The following METTL8 variants were observed in gnomAD, a reference collection of about 807,000 sequenced individuals.
METTL8 encodes the protein methyltransferase 8, tRNA N3-cytidine.
Under a neutral mutation model 48.7 loss-of-function variants are expected in METTL8, and 32 were observed. The observed-to-expected ratio is 0.66, with a 90% confidence interval of 0.50 to 0.88. METTL8 has a LOEUF of 0.88. METTL8 is among the 40% of genes least tolerant of loss of function. METTL8 has a pLI of 0.00. For missense variants in METTL8, 464 were observed against 474.4 expected, an observed-to-expected ratio of 0.98 and a Z score of 0.20; for synonymous variants, 136 against 157.1, an observed-to-expected ratio of 0.87 and a Z score of 1.01.
chr2:171,331,366 C>T (rs1348047346), intron 6 of METTL8, among the ~76,000 whole-genome samples: 2 of 151,126 alleles, frequency 1.3e-5, no homozygotes, highest in African/African-American at 4.9e-5. Flanking sequence ...GCCTCGGCCT[C>T]CCAAAGTGCT....
Position 171,326,335 on chromosome 2 carries a change from A to G in METTL8, c.861-187T>C, listed in dbSNP as rs568173035. On this transcript the variant is annotated intron_variant, in intron 7 of 9. Transcript: ENST00000375258. Reference sequence around the variant, plus strand: ...GAAAAAACCAAAACCAACTTGCTAAATGACTAGATTCAAAAGTCCTAGAGT... The same window carrying G: ...GAAAAAACCAAAACCAACTTGCTAAGTGACTAGATTCAAAAGTCCTAGAGT... 25 of 536,864 alleles carry G rather than the reference A, an allele frequency of 4.7e-5. No homozygotes were observed. In the South Asian group the frequency reaches 6.8e-4, roughly 15 times the overall value. The allele number at this position is 536,864 out of a possible 1,614,324, so 33.3% of individuals were successfully genotyped here.
chr2:171,384,298 A>T (rs1687841053), intron 2 of METTL8, among the ~76,000 whole-genome samples: 1 of 152,198 alleles, frequency 6.6e-6, no homozygotes, highest in South Asian at 2.1e-4. Flanking sequence ...ACTCGAGCCC[A>T]GGAGTTCAAG....
intron 2 of METTL8, among the ~76,000 whole-genome samples, chr2:171,386,598 T>C (rs546616468): frequency 6.6e-6 from 1 of 151,958 alleles, no homozygotes; most frequent in Non-Finnish European, 1.5e-5. Flanking sequence ...ACCTTGTCTC[T>C]ACAAAAAATA....
intron 3 of METTL8, among the ~76,000 whole-genome samples, chr2:171,341,834 T>TACACACACACACACACACACACACACAC (rs56145145): frequency 6.8e-6 from 1 of 147,192 alleles, no homozygotes; most frequent in African/African-American, 2.5e-5. Context: ...AATATTCATG[T>TACACACACACACACACACACACACACAC]ACACACACAC....
intron 1 of METTL8, among the ~76,000 whole-genome samples, chr2:171,431,959 C>T (rs1693076541): frequency 6.6e-6 from 1 of 152,246 alleles, no homozygotes; most frequent in African/African-American, 2.4e-5. Context: ...ATGCCTGGTC[C>T]AGCCGCAAGC....
At chr2:171,392,333 G>T in intron 1 of METTL8, 136 bp from the exon 2 acceptor site, 1 of 641,802 alleles carries the variant, frequency 1.6e-6, no homozygotes, top group Non-Finnish European at 2.5e-6. Flanking sequence ...TGAAAGATGA[G>T]CATAACAGCT....
At chr2:171,346,885 C>A (rs556592507) in intron 3 of METTL8, among the ~76,000 whole-genome samples, 19 of 152,308 alleles carry the variant, frequency 1.2e-4, no homozygotes, top group Admixed American at 1.0e-3. Flanking sequence ...CGTCTGTGAT[C>A]CCTACAGAAA....
intron 3 of METTL8, among the ~76,000 whole-genome samples, chr2:171,351,495 T>G (rs1047257349): frequency 1.3e-5 from 2 of 152,214 alleles, no homozygotes; most frequent in African/African-American, 4.8e-5. Context: ...TCCAATTCTG[T>G]GAAGAAAGTC....
chr2:171,326,177 C>A (rs767477523), intron 7 of METTL8, 29 bp from the exon 8 acceptor site: 18 of 1,227,626 alleles, frequency 1.5e-5, no homozygotes, highest in Non-Finnish European at 2.0e-5. Context: ...AAAAAGATAC[C>A]CAGTTTGTAG....
At chr2:171,434,117 G>A (rs576625229), upstream of METTL8, 32 of 337,954 alleles carry the variant, frequency 9.5e-5, no homozygotes, top group African/African-American at 6.1e-4. Flanking sequence ...AAGCGCGCCC[G>A]CAAGACAGCG....
At chr2:171,360,301 A>G in intron 3 of METTL8, 121 bp downstream of exon 3, 2 of 736,200 alleles carry the variant, frequency 2.7e-6, no homozygotes, top group South Asian at 3.8e-5. Context: ...TGGGAATTCT[A>G]CCAAATGGAA....
At chr2:171,423,580 G>C (rs1433468376) in intron 1 of METTL8, among the ~76,000 whole-genome samples, 1 of 152,124 alleles carries the variant, frequency 6.6e-6, no homozygotes, top group East Asian at 1.9e-4. Flanking sequence ...TGAAGAACTT[G>C]TTGGGAACTG....
intron 7 of METTL8, among the ~76,000 whole-genome samples, chr2:171,328,951 A>T (rs1685238086): frequency 6.6e-6 from 1 of 150,870 alleles, no homozygotes; most frequent in Non-Finnish European, 1.5e-5. Flanking sequence ...GGCATCCCAA[A>T]GTGCTGGGAT....
intron 3 of METTL8, among the ~76,000 whole-genome samples, chr2:171,358,614 A>T (rs911433058): frequency 2.0e-5 from 3 of 152,238 alleles, no homozygotes; most frequent in Admixed American, 6.5e-5. Flanking sequence ...CTGTAAGCAG[A>T]AGAATGAAAC....
At chr2:171,387,509 G>A (rs983364748) in intron 2 of METTL8, among the ~76,000 whole-genome samples, 3 of 151,530 alleles carry the variant, frequency 2.0e-5, no homozygotes, top group Admixed American at 1.3e-4. Flanking sequence ...CAGCCAGGGC[G>A]ACAGAGCGAG....
At chr2:171,350,441 A>T (rs1056235780) in intron 3 of METTL8, among the ~76,000 whole-genome samples, 1 of 152,206 alleles carries the variant, frequency 6.6e-6, no homozygotes, top group Admixed American at 6.5e-5. Context: ...ATGTGTCTTT[A>T]TAGCAGCATG....
Position 171,324,263 on chromosome 2 carries a change from T to C in METTL8, c.1133A>G (p.His378Arg). 1.3e-6 allele frequency: 2 copies of C among 1,551,556 alleles called. No individual in the cohort carries two copies. Among genetic ancestry groups the C allele is most frequent in the Non-Finnish European group, 1.7e-6 (2 of 1,146,966 alleles). Residue 378 changes from histidine (H) to arginine (R), a missense_variant, in exon 10 of 10, where the codon CAC (histidine) becomes CGC (arginine). By Grantham distance (29) the His-to-Arg change is conservative. Coordinates refer to ENST00000375258, the MANE Select transcript of METTL8 (RefSeq NM_001321154.2). ...GAATTTGCCTTGAATCCACACTCGG[T>C]GCATTTTCACTTGTTTTTTCCTATT... ...QVNRKKQVKM[H>R]RVWIQGKFQK...
chr2:171,370,199 T>A (rs1394642890), intron 2 of METTL8, among the ~76,000 whole-genome samples: 1 of 152,250 alleles, frequency 6.6e-6, no homozygotes, highest in East Asian at 1.9e-4. Context: ...CTACCTGGAC[T>A]AGGTGTTATC....
At chr2:171,380,465 G>C (rs1212684333) in intron 2 of METTL8, among the ~76,000 whole-genome samples, 2 of 152,138 alleles carry the variant, frequency 1.3e-5, no homozygotes, top group African/African-American at 4.8e-5. Flanking sequence ...AATTGTCTCT[G>C]TTTGCAGATG....
Sources: gnomAD v4.1 joint callset for allele counts (sites outside exome capture counted in the v4.1 genomes callset) on GRCh38, gnomAD v4.1.1 for gene constraint, MANE v1.5 for transcripts, NCBI Gene and HGNC (gene_info 2026-07-23, HGNC 2026-07-21) for gene names.